The following NPFFR2 variants were observed in gnomAD, a reference collection of about 807,000 sequenced individuals.
NPFFR2 encodes the protein G-protein coupled receptor 74.
A neutral mutation model predicts 13.1 loss-of-function variants in NPFFR2; 15 were observed. The ratio of observed to expected loss-of-function variants is 1.15; its 90% confidence interval spans 0.77 to 1.76. NPFFR2 has a LOEUF of 1.76. Among genes scored for constraint, NPFFR2 ranks in the 40% most tolerant of loss-of-function variants. NPFFR2 has a pLI of 0.00. For synonymous variants in NPFFR2, 190 were observed against 175.7 expected (o/e 1.08, Z -0.65); for missense variants, 572 against 503.5 (o/e 1.14, Z -1.30).
At chr4:72,084,608 C>T (rs1720715894) in intron 1 of NPFFR2, among the ~76,000 whole-genome samples, 1 of 152,142 alleles carries the variant, frequency 6.6e-6, no homozygotes, top group Non-Finnish European at 1.5e-5. Flanking sequence ...ATTCTTTCAG[C>T]CCACGTCTGA....
rs753396294 is a variant in NPFFR2, at chr4:72,138,071, C to A, written c.360C>A (p.Ile120=). The A allele has an allele frequency of 1.9e-6, 3 of 1,613,614 alleles. No homozygotes were observed. The highest frequency in any genetic ancestry group is 2.5e-6 in the Non-Finnish European group (3 of 1,179,674). The change falls in exon 3 of 4, where the codon ATC becomes ATA. Residue 120 remains isoleucine (I), a synonymous_variant. Coordinates refer to ENST00000308744, the MANE Select transcript of NPFFR2 (RefSeq NM_004885.3). ...CATTTGGAAACACGATGTGCAAGAT[C>A]AGTGGATTGGTCCAGGGAATATCTG... ...GWPFGNTMCK[I]SGLVQGISVA...
chr4:72,118,699 G>A (rs188705706), intron 1 of NPFFR2, among the ~76,000 whole-genome samples: 81 of 152,182 alleles, frequency 5.3e-4, no homozygotes, highest in African/African-American at 1.9e-3. Flanking sequence ...TATATGATGA[G>A]ATTAATTAAT....
intron 1 of NPFFR2, among the ~76,000 whole-genome samples, chr4:72,051,198 A>T (rs1178786740): frequency 1.3e-5 from 2 of 151,862 alleles, no homozygotes; most frequent in African/African-American, 4.8e-5. Context: ...ACTGACTTCC[A>T]CAATGGTTGA....
chr4:72,060,384 G>A (rs4694454), intron 1 of NPFFR2, among the ~76,000 whole-genome samples: 146,081 of 152,066 alleles, frequency 0.96, 70,450 homozygotes, highest in East Asian at 1. Context: ...CAGCTATTAT[G>A]TATCTACTGA....
chr4:72,050,707 C>T (rs1719527072), intron 1 of NPFFR2, among the ~76,000 whole-genome samples: 1 of 151,716 alleles, frequency 6.6e-6, no homozygotes, highest in South Asian at 2.1e-4. Flanking sequence ...TGGTGCACTG[C>T]ACCCACTAAC....
chr4:72,046,635 G>A (rs557748077), intron 1 of NPFFR2, among the ~76,000 whole-genome samples: 36 of 152,276 alleles, frequency 2.4e-4, no homozygotes, highest in African/African-American at 8.2e-4. Flanking sequence ...ATAGCAAAGT[G>A]CTGAAAAGGT....
intron 1 of NPFFR2, among the ~76,000 whole-genome samples, chr4:72,081,688 G>A (rs755493690): frequency 1.3e-5 from 2 of 151,778 alleles, no homozygotes; most frequent in Non-Finnish European, 2.9e-5. Flanking sequence ...TGGGGATCTT[G>A]CTATGTTGCC....
intron 3 of NPFFR2, among the ~76,000 whole-genome samples, chr4:72,140,385 G>A (rs926624541): frequency 1.3e-5 from 2 of 152,272 alleles, no homozygotes; most frequent in East Asian, 3.9e-4. Context: ...TATAATGTTG[G>A]CTGTGGGTTT....
At chr4:72,095,700 T>G (rs1721046443) in intron 1 of NPFFR2, among the ~76,000 whole-genome samples, 1 of 152,176 alleles carries the variant, frequency 6.6e-6, no homozygotes, top group African/African-American at 2.4e-5. Context: ...CTCACTCTTA[T>G]CATTTAGGGA....
intron 1 of NPFFR2, among the ~76,000 whole-genome samples, chr4:72,125,476 A>G (rs910647309): frequency 6.6e-6 from 1 of 152,202 alleles, no homozygotes; most frequent in Admixed American, 6.5e-5. Flanking sequence ...TGCGGTACCA[A>G]GTTGTCACAC....
rs1719611384 is a variant in NPFFR2, at chr4:72,052,358, T to C, written c.-8+20158T>C. ...GGTTCAATATATGCAAATCAATAAA[T>C]GTAATCCAGCATATAAACAGAACCA... On this transcript the variant is annotated intron_variant, in intron 1 of 3. Coordinates refer to ENST00000308744, the MANE Select transcript of NPFFR2 (RefSeq NM_004885.3). Among the ~76,000 whole-genome samples, 5 of 138,280 alleles carry C rather than the reference T, an allele frequency of 3.6e-5. No individual in the cohort carries two copies. The Admixed American group carries it at 3.8e-4, about 10-fold the overall frequency. 90.7% of individuals were successfully genotyped at this position (138,280 alleles called of 152,430 possible). A position where few individuals can be genotyped will look rare whatever the true frequency, so the allele number is the denominator to read the frequency against.
At chr4:72,090,153 AG>A (rs1481714588) in intron 1 of NPFFR2, among the ~76,000 whole-genome samples, 1 of 151,894 alleles carries the variant, frequency 6.6e-6, no homozygotes, top group Non-Finnish European at 1.5e-5. Context: ...GCTTTATTTC[AG>A]AGTCCACTAT....
At chr4:72,117,807 C>T (rs919977577) in intron 1 of NPFFR2, among the ~76,000 whole-genome samples, 1 of 152,062 alleles carries the variant, frequency 6.6e-6, no homozygotes, top group Non-Finnish European at 1.5e-5. Flanking sequence ...TAAACAATTT[C>T]GGTACCCAGT....
intron 3 of NPFFR2, among the ~76,000 whole-genome samples, chr4:72,140,565 T>G (rs952246562): frequency 6.6e-6 from 1 of 152,228 alleles, no homozygotes. Flanking sequence ...TTACATTTAT[T>G]GATTTGCATA....
At chr4:72,140,774 C>T (rs1722583282) in intron 3 of NPFFR2, among the ~76,000 whole-genome samples, 1 of 152,146 alleles carries the variant, frequency 6.6e-6, no homozygotes, top group African/African-American at 2.4e-5. Flanking sequence ...ATGCTGGCCT[C>T]ATAAAATGAG....
intron 1 of NPFFR2, among the ~76,000 whole-genome samples, chr4:72,120,928 A>G (rs1011717469): frequency 5.3e-5 from 8 of 152,110 alleles, no homozygotes; most frequent in Admixed American, 3.3e-4. Flanking sequence ...TGGGCTTCAG[A>G]AGGTGGGTAA....
intron 1 of NPFFR2, among the ~76,000 whole-genome samples, chr4:72,102,460 T>C (rs1367923526): frequency 6.6e-6 from 1 of 152,024 alleles, no homozygotes. Context: ...ATGTGCCATG[T>C]TGGTGTGCTG....
chr4:72,146,156 G>C (rs923011396), intron 3 of NPFFR2, among the ~76,000 whole-genome samples: 1 of 152,188 alleles, frequency 6.6e-6, no homozygotes, highest in Non-Finnish European at 1.5e-5. Flanking sequence ...GATTTTGTGG[G>C]TTAATTGGGC....
At position 72,147,503 on chromosome 4, in the gene NPFFR2, A is replaced by G; in HGVS notation, c.954A>G (p.Ala318=). The part of the protein sequence containing the change: ...QIINIYIYPF[A]HWLAFGNSSV... Reference sequence around the variant, plus strand: ...TCAACATCTACATCTACCCTTTTGCACACTGGCTGGCATTCGGCAACAGCA... The same window carrying G: ...TCAACATCTACATCTACCCTTTTGCGCACTGGCTGGCATTCGGCAACAGCA... Residue 318 remains alanine, a synonymous_variant, in exon 4 of 4, where the codon GCA becomes GCG. Coordinates refer to ENST00000308744, the MANE Select transcript of NPFFR2 (RefSeq NM_004885.3). 1 of 1,614,190 alleles carries G rather than the reference A, an allele frequency of 6.2e-7. No homozygotes were observed. The highest frequency in any genetic ancestry group is 8.5e-7 in the Non-Finnish European group (1 of 1,180,034).
Sources: allele counts gnomAD v4.1 joint callset (sites outside exome capture counted in the v4.1 genomes callset), GRCh38; gene constraint gnomAD v4.1.1; transcripts MANE v1.5; gene names NCBI Gene and HGNC (gene_info 2026-07-23, HGNC 2026-07-21).